The following IDO2 variants were observed in gnomAD, a reference collection of about 807,000 sequenced individuals.
IDO2 encodes indoleamine 2,3-dioxygenase 2.
A neutral mutation model predicts 45.1 loss-of-function variants in IDO2; 46 were observed. That is an observed-to-expected ratio of 1.02 (90% CI 0.80 to 1.30). The LOEUF is 1.30. IDO2 is among the 50% of genes most tolerant of loss of function. The probability of loss-of-function intolerance (pLI) is 0.00; values close to 1 mark genes in which losing one functional copy is unlikely to be tolerated. For synonymous variants in IDO2, 218 were observed against 184.9 expected, an observed-to-expected ratio of 1.18 and a Z score of -1.45; for missense variants, 544 against 491.8, an observed-to-expected ratio of 1.11 and a Z score of -1.00.
chr8:39,999,836 G>A (rs1366186335), intron 8 of IDO2, among the ~76,000 whole-genome samples: 5 of 152,122 alleles, frequency 3.3e-5, no homozygotes, highest in Admixed American at 3.3e-4. Flanking sequence ...TAGAAGTCTT[G>A]CCCAATAGCC....
At chr8:39,999,740 G>A (rs1054109128) in intron 8 of IDO2, among the ~76,000 whole-genome samples, 8 of 152,220 alleles carry the variant, frequency 5.3e-5, no homozygotes, top group Middle Eastern at 3.2e-3. Context: ...TAGGATTACA[G>A]GCGGGAGCCA....
chr8:39,987,742 C>T, intron 6 of IDO2, 129 bp from the exon 7 acceptor site: 1 of 618,144 alleles, frequency 1.6e-6, no homozygotes, highest in South Asian at 2.0e-5. Flanking sequence ...TCAGGGCTGT[C>T]TTACGGAGAG....
At chr8:39,955,785 A>C (rs540662960) in intron 2 of IDO2, among the ~76,000 whole-genome samples, 2 of 152,322 alleles carry the variant, frequency 1.3e-5, no homozygotes, top group East Asian at 3.9e-4. Flanking sequence ...CCTCTACTGT[A>C]GTAGCTTGTC....
chr8:39,973,950 G>A (rs548204250), intron 3 of IDO2, among the ~76,000 whole-genome samples: 1 of 152,078 alleles, frequency 6.6e-6, no homozygotes, highest in Admixed American at 6.6e-5. Flanking sequence ...ACCAAAATCA[G>A]GCTGGTCTTG....
At chr8:39,944,117 GA>G (rs1276400352) in intron 1 of IDO2, among the ~76,000 whole-genome samples, 21 of 152,252 alleles carry the variant, frequency 1.4e-4, no homozygotes, top group Middle Eastern at 3.4e-3. Context: ...TTATCTTAGA[GA>G]AAGGGAGGAA....
intron 1 of IDO2, among the ~76,000 whole-genome samples, chr8:39,941,282 C>T (rs1290027420): frequency 6.7e-6 from 1 of 149,046 alleles, no homozygotes; most frequent in Non-Finnish European, 1.5e-5. Flanking sequence ...ACAATACTCC[C>T]GGCTCTCTTT....
At chr8:39,997,933 G>T (rs1802073821) in intron 8 of IDO2, 1 of 219,842 alleles carries the variant, frequency 4.5e-6, no homozygotes. Context: ...AACATTTGTT[G>T]CTGCCCAGCA....
intron 3 of IDO2, among the ~76,000 whole-genome samples, chr8:39,966,017 C>T (rs1808079140): frequency 6.9e-6 from 1 of 144,226 alleles, no homozygotes; most frequent in South Asian, 2.2e-4. Flanking sequence ...CTCTTGGTCT[C>T]TATCGCTTCT....
In IDO2 at chr8:39,979,063, A is replaced by G; in HGVS notation, c.196-4A>G. 1 of 1,575,168 alleles carries G rather than the reference A, an allele frequency of 6.3e-7. No individual in the cohort carries two copies. Among genetic ancestry groups the G allele is most frequent in the Non-Finnish European group, 8.6e-7 (1 of 1,160,444 alleles). Reference sequence around the variant, plus strand: ...TCTGACGGCATTTGGACTTTCATGAACAGATGCCCCTGCTGAGCTGCCAGT... The same window carrying G: ...TCTGACGGCATTTGGACTTTCATGAGCAGATGCCCCTGCTGAGCTGCCAGT... On this transcript the variant is annotated splice_region_variant and splice_polypyrimidine_tract_variant and intron_variant, in intron 3 of 10. Transcript: ENST00000502986.
intron 7 of IDO2, among the ~76,000 whole-genome samples, chr8:39,988,568 G>A (rs995907955): frequency 2.6e-5 from 4 of 152,162 alleles, no homozygotes; most frequent in East Asian, 1.9e-4. Context: ...AGTAGTGCAC[G>A]CCACCACGCC....
chr8:39,947,171 C>CAAAAAAAAAAA (rs55785952), intron 1 of IDO2, among the ~76,000 whole-genome samples: 3 of 80,016 alleles, frequency 3.7e-5, no homozygotes, highest in Non-Finnish European at 6.8e-5. Flanking sequence ...GCTAAGGTAT[C>CAAAAAAAAAAA]AAAAAAAAAA....
At chr8:39,966,997 A>C (rs961477150) in intron 3 of IDO2, among the ~76,000 whole-genome samples, 1 of 152,198 alleles carries the variant, frequency 6.6e-6, no homozygotes, top group African/African-American at 2.4e-5. Flanking sequence ...GCTGATATAT[A>C]AAAAGAACTA....
rs1807536696 is a variant in IDO2 at position 39,935,745 on chromosome 8, C to T, written c.-18+527C>T. Among the ~76,000 whole-genome samples, 2 of 152,298 alleles carry T rather than the reference C, an allele frequency of 1.3e-5. 1 individual carries two copies. The highest frequency in any genetic ancestry group is 4.1e-4 in the South Asian group (2 of 4,834). ...GATTACAGGCATGAGCCACCTTGCC[C>T]AGCCTGTGCATTACTTTTGAGGACA... On this transcript the variant is annotated intron_variant, in intron 1 of 10. Transcript: ENST00000502986.
intron 3 of IDO2, among the ~76,000 whole-genome samples, chr8:39,973,951 G>T (rs781690788): frequency 1.3e-5 from 2 of 151,976 alleles, no homozygotes; most frequent in Non-Finnish European, 2.9e-5. Flanking sequence ...CCAAAATCAG[G>T]CTGGTCTTGA....
chr8:39,985,586 A>G, intron 6 of IDO2, 64 bp downstream of exon 6: 1 of 1,297,594 alleles, frequency 7.7e-7, no homozygotes. Context: ...CTTACAATAA[A>G]ACAAAGAACA....
At chr8:39,974,262 C>G (rs779425965) in intron 3 of IDO2, among the ~76,000 whole-genome samples, 5 of 152,084 alleles carry the variant, frequency 3.3e-5, no homozygotes, top group Admixed American at 3.3e-4. Context: ...GGAATACATA[C>G]TAAACATATG....
intron 7 of IDO2, among the ~76,000 whole-genome samples, chr8:39,989,136 A>G (rs1485731111): frequency 6.6e-6 from 1 of 152,204 alleles, no homozygotes; most frequent in East Asian, 1.9e-4. Flanking sequence ...AGGGGAAGCA[A>G]GAACCTCTTC....
intron 4 of IDO2, among the ~76,000 whole-genome samples, chr8:39,982,172 T>G (rs1182342735): frequency 5.9e-5 from 9 of 152,024 alleles, no homozygotes; most frequent in East Asian, 1.9e-4. Context: ...CATCTATCTA[T>G]CTAGCTAGCT....
intron 1 of IDO2, among the ~76,000 whole-genome samples, chr8:39,940,080 C>T (rs1020855711): frequency 1.3e-5 from 2 of 152,098 alleles, no homozygotes; most frequent in Non-Finnish European, 1.5e-5. Context: ...CTTACTGTTA[C>T]GAAAGAAAGT....
Sources: allele counts gnomAD v4.1 joint callset (sites outside exome capture counted in the v4.1 genomes callset), GRCh38; gene constraint gnomAD v4.1.1; transcripts MANE v1.5; gene names NCBI Gene and HGNC (gene_info 2026-07-23, HGNC 2026-07-21).